The following LAPTM4B variants were observed in gnomAD, a reference collection of about 807,000 sequenced individuals.
LAPTM4B encodes the protein lysosomal protein transmembrane 4 beta.
LAPTM4B carries 26 observed loss-of-function variants against 28.5 expected under a neutral mutation model. The observed-to-expected ratio is 0.91, with a 90% CI of 0.67 to 1.27. LAPTM4B has a LOEUF of 1.27. Among genes scored for constraint, LAPTM4B ranks in the 50% most tolerant of loss-of-function variants. The pLI is 0.00. For missense variants in LAPTM4B, 288 were observed against 285.8 expected (o/e 1.01, Z -0.06); for synonymous variants, 109 against 106.4 (o/e 1.02, Z -0.15).
chr8:97,807,823 C>T (rs1563609199), intron 2 of LAPTM4B, among the ~76,000 whole-genome samples: 2 of 150,672 alleles, frequency 1.3e-5, no homozygotes, highest in Admixed American at 6.6e-5. Flanking sequence ...CATCATCTTC[C>T]ACCACTGTTG....
intron 1 of LAPTM4B, 24 bp from the exon 2 acceptor site, chr8:97,805,324 CTTTTT>C (rs386413439): frequency 2.4e-5 from 20 of 843,468 alleles, no homozygotes; most frequent in Middle Eastern, 3.1e-4. Context: ...TACTTAAATT[CTTTTT>C]TTTTTTTTTT....
At position 97,783,713 on chromosome 8, in the gene LAPTM4B, A is replaced by C. The variant is rs531488846; in HGVS notation, c.99+7605A>C. Among the ~76,000 whole-genome samples, 5 of 152,296 alleles carry C rather than the reference A, an allele frequency of 3.3e-5. No individual in the cohort carries two copies. In the East Asian group the frequency reaches 9.6e-4, roughly 29 times the overall value. On this transcript the variant is annotated intron_variant, in intron 1 of 6. Transcript: ENST00000521545. ...CTTCTACCTGTGGGGTCTCATTTGCATAACAAGACCACCTTCCCTAGCCAG... is the reference window on the plus strand; with the variant it reads ...CTTCTACCTGTGGGGTCTCATTTGCCTAACAAGACCACCTTCCCTAGCCAG...
chr8:97,805,061 G>A (rs1450877972), intron 1 of LAPTM4B, among the ~76,000 whole-genome samples: 1 of 152,238 alleles, frequency 6.6e-6, no homozygotes, highest in Non-Finnish European at 1.5e-5. Context: ...GTGTTTGTGT[G>A]TGTTGTTCAC....
intron 1 of LAPTM4B, among the ~76,000 whole-genome samples, chr8:97,777,587 C>T (rs1816244253): frequency 1.3e-5 from 2 of 151,986 alleles, no homozygotes; most frequent in African/African-American, 4.8e-5. Context: ...AACATTTCAC[C>T]CCAGGCATAT....
At chr8:97,849,937 C>T (rs1443959186) in intron 6 of LAPTM4B, among the ~76,000 whole-genome samples, 4 of 151,898 alleles carry the variant, frequency 2.6e-5, no homozygotes, top group Non-Finnish European at 5.9e-5. Context: ...GTTTCCAGAG[C>T]GGGCCGTGGC....
intron 2 of LAPTM4B, among the ~76,000 whole-genome samples, chr8:97,810,520 C>T (rs968905942): frequency 6.6e-6 from 1 of 152,132 alleles, no homozygotes; most frequent in Admixed American, 6.5e-5. Flanking sequence ...TCCTATATGT[C>T]TAAAATGACA....
At chr8:97,837,289 T>C (rs1817277466) in intron 6 of LAPTM4B, among the ~76,000 whole-genome samples, 1 of 150,828 alleles carries the variant, frequency 6.6e-6, no homozygotes, top group African/African-American at 2.4e-5. Flanking sequence ...GCTTCCCAGG[T>C]TCACGTTATT....
At position 97,776,069 on chromosome 8, in the gene LAPTM4B, T is replaced by G. The variant is rs915323180; in HGVS notation, c.60T>G (p.His20Gln). 1.3e-6 allele frequency: 2 copies of G among 1,589,010 alleles called. No homozygotes were observed. Among genetic ancestry groups the G allele is most frequent in the Non-Finnish European group, 1.7e-6 (2 of 1,171,852 alleles). Reference sequence around the variant, plus strand: ...CCAACAGCTGCTGCTTGTGCTGCCATGTCCGCACCGGCACCATCCTGCTCG... The same window carrying G: ...CCAACAGCTGCTGCTTGTGCTGCCAGGTCCGCACCGGCACCATCCTGCTCG... ...FYSNSCCLCC[H>Q]VRTGTILLGV... Residue 20 changes from histidine to glutamine, a missense_variant, in exon 1 of 7, where the codon CAT becomes CAG. Physicochemically the swap from His to Gln is conservative, Grantham distance 24. Coordinates refer to ENST00000521545, the MANE Select transcript of LAPTM4B (RefSeq NM_018407.6).
At chr8:97,780,635 T>C (rs1816294179) in intron 1 of LAPTM4B, among the ~76,000 whole-genome samples, 1 of 152,152 alleles carries the variant, frequency 6.6e-6, no homozygotes, top group Non-Finnish European at 1.5e-5. Context: ...CCTGGTGAGG[T>C]AGATTTTCTT....
intron 1 of LAPTM4B, among the ~76,000 whole-genome samples, chr8:97,780,195 C>T (rs1309739613): frequency 4.0e-5 from 6 of 151,812 alleles, no homozygotes; most frequent in Admixed American, 6.6e-5. Flanking sequence ...GAGACTGAGG[C>T]GGGTGGATCA....
chr8:97,842,062 G>A (rs1188271978), intron 6 of LAPTM4B, among the ~76,000 whole-genome samples: 2 of 152,138 alleles, frequency 1.3e-5, no homozygotes, highest in Non-Finnish European at 2.9e-5. Context: ...TATATTTCAG[G>A]TTTTGGGGGC....
chr8:97,814,544 GAAAAAAT>G (rs1222628001), intron 2 of LAPTM4B, among the ~76,000 whole-genome samples: 163 of 151,802 alleles, frequency 1.1e-3, no homozygotes, highest in African/African-American at 2.3e-3. Context: ...AAAGAAAAAA[GAAAAAAT>G]AAATAAAATA....
chr8:97,784,584 C>T (rs947930112), intron 1 of LAPTM4B, among the ~76,000 whole-genome samples: 1 of 152,104 alleles, frequency 6.6e-6, no homozygotes, highest in Non-Finnish European at 1.5e-5. Flanking sequence ...GGACTACAGG[C>T]GCCCACCACC....
chr8:97,809,153 T>C (rs1816793806), intron 2 of LAPTM4B, among the ~76,000 whole-genome samples: 1 of 152,180 alleles, frequency 6.6e-6, no homozygotes, highest in Admixed American at 6.5e-5. Context: ...CAGATAGTTA[T>C]TACCCAGCTT....
intron 5 of LAPTM4B, among the ~76,000 whole-genome samples, chr8:97,820,996 G>T (rs895019164): frequency 2.6e-5 from 4 of 151,218 alleles, no homozygotes; most frequent in Non-Finnish European, 5.9e-5. Context: ...CAAAGTGCTG[G>T]AATTACAGGC....
intron 6 of LAPTM4B, among the ~76,000 whole-genome samples, chr8:97,849,274 C>T (rs1817480503): frequency 6.6e-6 from 1 of 152,212 alleles, no homozygotes; most frequent in South Asian, 2.1e-4. Context: ...TGCATCCACA[C>T]ATTGCTCATG....
Position 97,851,739 on chromosome 8 carries a change from C to A in LAPTM4B, c.*265C>A. The A allele has an allele frequency of 2.1e-6, 1 of 473,986 alleles. No homozygotes were observed. 29.4% of individuals were successfully genotyped at this position (473,986 alleles called of 1,614,324 possible). A position where few individuals can be genotyped will look rare whatever the true frequency, so the allele number is the denominator to read the frequency against. ...ACCTTCCCTAGGCATTGAAACTTCC[C>A]CCAAATCTGATGGACCTAGAAGTCT... On this transcript the variant is annotated 3_prime_UTR_variant, in exon 7 of 7. Transcript: ENST00000521545.
At chr8:97,806,754 C>A (rs568964295) in intron 2 of LAPTM4B, among the ~76,000 whole-genome samples, 1 of 152,176 alleles carries the variant, frequency 6.6e-6, no homozygotes, top group Admixed American at 6.5e-5. Context: ...GCCAGGAGTT[C>A]GAGACCAGCC....
At position 97,776,126 on chromosome 8, in the gene LAPTM4B, G is replaced by A. The variant is rs1372978443; in HGVS notation, c.99+18G>A. ...GGTATCTGGTGAGCGCGGCGCGCCC[G>A]GCCCGGGACCCTGCGTTGCTTCCGC... On this transcript the variant is annotated intron_variant, in intron 1 of 6. Coordinates refer to ENST00000521545, the MANE Select transcript of LAPTM4B (RefSeq NM_018407.6). The A allele has an allele frequency of 2.0e-6, 3 of 1,488,104 alleles. No individual in the cohort carries two copies. Among genetic ancestry groups the A allele is most frequent in the Admixed American group, 1.9e-5 (1 of 53,074 alleles). The allele number at this position is 1,488,104 out of a possible 1,614,324, so 92.2% of individuals were successfully genotyped here.
Sources: allele counts gnomAD v4.1 joint callset (sites outside exome capture counted in the v4.1 genomes callset), GRCh38; gene constraint gnomAD v4.1.1; transcripts MANE v1.5; gene names NCBI Gene and HGNC (gene_info 2026-07-23, HGNC 2026-07-21).